Variants in USP54 observed in about 807,000 individuals in gnomAD.
The protein encoded by USP54 is ubiquitin carboxyl-terminal hydrolase 54.
USP54 carries 87 observed loss-of-function variants against 170.5 expected under a neutral mutation model. That is an observed-to-expected ratio of 0.51 (90% confidence interval 0.43 to 0.61). The LOEUF is 0.61. Ranked by LOEUF, USP54 falls within the 20% of genes least tolerant of loss-of-function variation. USP54 has a pLI of 0.00. For missense variants in USP54, 1,786 were observed against 2,047.8 expected, an observed-to-expected ratio of 0.87 and a Z score of 2.47; for synonymous variants, 655 against 742.8, an observed-to-expected ratio of 0.88 and a Z score of 1.92.
chr10:73,521,904 T>C (rs2061960874), intron 17 of USP54, among the ~76,000 whole-genome samples: 1 of 152,192 alleles, frequency 6.6e-6, no homozygotes, highest in Non-Finnish European at 1.5e-5. Flanking sequence ...AGAACTCTCA[T>C]GTTTATGTAT....
intron 1 of USP54, among the ~76,000 whole-genome samples, chr10:73,616,190 T>C (rs1319872174): frequency 6.7e-6 from 1 of 149,238 alleles, no homozygotes; most frequent in Non-Finnish European, 1.5e-5. Context: ...AATACAAAAT[T>C]AGCCAGGGAT....
intron 4 of USP54, among the ~76,000 whole-genome samples, chr10:73,562,471 A>T (rs1041701771): frequency 2.6e-4 from 40 of 152,326 alleles, no homozygotes; most frequent in Non-Finnish European, 4.1e-4. Context: ...GACTTATCAC[A>T]TGCATGTACC....
At chr10:73,512,164 G>C (rs2060321946) in intron 20 of USP54, among the ~76,000 whole-genome samples, 1 of 151,432 alleles carries the variant, frequency 6.6e-6, no homozygotes, top group African/African-American at 2.4e-5. Flanking sequence ...TTTTGAGACA[G>C]GGTCTTGTTC....
intron 10 of USP54, among the ~76,000 whole-genome samples, chr10:73,538,656 T>C (rs990502307): frequency 6.6e-6 from 1 of 151,666 alleles, no homozygotes; most frequent in East Asian, 1.9e-4. Context: ...AAACAAAAAA[T>C]TTTAACTAGC....
chr10:73,592,233 G>T (rs1364024724), upstream of USP54, among the ~76,000 whole-genome samples: 1 of 151,786 alleles, frequency 6.6e-6, no homozygotes, highest in East Asian at 1.9e-4. Flanking sequence ...GAAAGAAGTT[G>T]TTTTATAAGC....
At chr10:73,547,799 A>G (rs1024232278) in intron 4 of USP54, among the ~76,000 whole-genome samples, 1 of 152,202 alleles carries the variant, frequency 6.6e-6, no homozygotes, top group African/African-American at 2.4e-5. Flanking sequence ...CCTAGGCAAT[A>G]CCATTCAGGA....
chr10:73,553,725 A>T (rs144373008), intron 4 of USP54, among the ~76,000 whole-genome samples: 12 of 152,320 alleles, frequency 7.9e-5, no homozygotes, highest in African/African-American at 2.9e-4. Flanking sequence ...TGATGGTTCC[A>T]TTTCAACAAG....
chr10:73,552,863 G>T (rs2069885111), intron 4 of USP54, among the ~76,000 whole-genome samples: 1 of 152,154 alleles, frequency 6.6e-6, no homozygotes, highest in African/African-American at 2.4e-5. Context: ...AGTGCTAAAT[G>T]TTAGGTATTA....
At chr10:73,591,661 C>T (rs1036083753), upstream of USP54, 2 of 152,160 alleles carry the variant, frequency 1.3e-5, no homozygotes, top group Non-Finnish European at 2.9e-5. Flanking sequence ...GAAGCTGTTT[C>T]CTGGGGCATT....
At chr10:73,574,956 G>T (rs1428982560) in intron 3 of USP54, among the ~76,000 whole-genome samples, 1 of 152,014 alleles carries the variant, frequency 6.6e-6, no homozygotes, top group Non-Finnish European at 1.5e-5. Context: ...GCCAGGCACG[G>T]TGGTTCATGC....
intron 4 of USP54, among the ~76,000 whole-genome samples, chr10:73,558,149 G>C (rs993725635): frequency 3.9e-5 from 6 of 152,078 alleles, no homozygotes; most frequent in African/African-American, 1.2e-4. Flanking sequence ...CAAAGTGCTG[G>C]AATTACAGGC....
intron 4 of USP54, among the ~76,000 whole-genome samples, chr10:73,558,526 C>A (rs2071841883): frequency 6.6e-6 from 1 of 152,116 alleles, no homozygotes; most frequent in Non-Finnish European, 1.5e-5. Flanking sequence ...AACCACCGCA[C>A]CTGGCCTCAG....
chr10:73,551,635 C>T (rs1472194513), intron 4 of USP54, among the ~76,000 whole-genome samples: 1 of 152,190 alleles, frequency 6.6e-6, no homozygotes, highest in Non-Finnish European at 1.5e-5. Context: ...GTCAACCCAG[C>T]TTGGCAAAAT....
intron 20 of USP54, chr10:73,515,997 T>A (rs578062047): frequency 6.0e-6 from 1 of 165,334 alleles, no homozygotes; most frequent in Admixed American, 5.9e-5. Flanking sequence ...TTGGCCAGGA[T>A]GGTCTCGATC....
At chr10:73,612,839 C>CAAAAAAAAAAAAAAAAAAAAAAAAAA (rs756355670) in intron 1 of USP54, among the ~76,000 whole-genome samples, 1 of 42,134 alleles carries the variant, frequency 2.4e-5, no homozygotes. Flanking sequence ...GACATTGTCT[C>CAAAAAAAAAAAAAAAAAAAAAAAAAA]AAAAAAAAAA....
intron 20 of USP54, among the ~76,000 whole-genome samples, chr10:73,508,178 G>A (rs1014597237): frequency 2.0e-5 from 3 of 152,058 alleles, no homozygotes; most frequent in East Asian, 1.9e-4. Flanking sequence ...GAGGCGAGGC[G>A]GGTGGATAAC....
At chr10:73,610,319 T>C (rs2080036865) in intron 1 of USP54, among the ~76,000 whole-genome samples, 1 of 152,206 alleles carries the variant, frequency 6.6e-6, no homozygotes, top group Non-Finnish European at 1.5e-5. Flanking sequence ...CTGCCAGCTT[T>C]ATATCAGAAA....
chr10:73,544,115 G>A (rs1216679933), intron 5 of USP54, among the ~76,000 whole-genome samples: 1 of 152,010 alleles, frequency 6.6e-6, no homozygotes, highest in Non-Finnish European at 1.5e-5. Flanking sequence ...GCTAAGTTTT[G>A]TGTTTTTAAT....
chr10:73,528,802 AT>A (rs2063461266), intron 15 of USP54, among the ~76,000 whole-genome samples: 1 of 152,030 alleles, frequency 6.6e-6, no homozygotes, highest in African/African-American at 2.4e-5. Context: ...TCTTTAATAC[AT>A]TTTTTTACTG....
Sources: gnomAD v4.1 joint callset for allele counts (sites outside exome capture counted in the v4.1 genomes callset) on GRCh38, gnomAD v4.1.1 for gene constraint, MANE v1.5 for transcripts, NCBI Gene and HGNC (gene_info 2026-07-23, HGNC 2026-07-21) for gene names.